The following MAGI2 variants were observed in gnomAD, a reference collection of about 807,000 sequenced individuals.
The protein encoded by MAGI2 is membrane associated guanylate kinase, WW and PDZ domain containing 2, also known as membrane-associated guanylate kinase, WW and PDZ domain-containing protein 2.
Under a neutral mutation model 133.3 loss-of-function variants are expected in MAGI2, and 35 were observed. The ratio of observed to expected loss-of-function variants is 0.26; its 90% CI spans 0.20 to 0.35. The LOEUF is 0.35. Ranked by LOEUF, MAGI2 falls within the 10% of genes least tolerant of loss-of-function variation. The pLI is 1.00. For missense variants in MAGI2, 1,636 were observed against 1,863.4 expected, an observed-to-expected ratio of 0.88 and a Z score of 2.25; for synonymous variants, 729 against 710.6, an observed-to-expected ratio of 1.03 and a Z score of -0.41.
At chr7:78,602,527 G>C (rs1462043251) in intron 3 of MAGI2, among the ~76,000 whole-genome samples, 1 of 151,736 alleles carries the variant, frequency 6.6e-6, no homozygotes, top group Admixed American at 6.6e-5. Context: ...AATTCCTTGA[G>C]AATATTTGAA....
At chr7:78,031,064 G>A (rs955246785) in intron 21 of MAGI2, among the ~76,000 whole-genome samples, 6 of 152,206 alleles carry the variant, frequency 3.9e-5, no homozygotes, top group African/African-American at 9.6e-5. Context: ...TACACTCAAC[G>A]TGAGTGAATT....
chr7:78,168,741 G>C (rs1219620870), intron 14 of MAGI2, among the ~76,000 whole-genome samples: 1 of 152,116 alleles, frequency 6.6e-6, no homozygotes, highest in Admixed American at 6.5e-5. Flanking sequence ...CACTTAACGA[G>C]GGATCAAAAA....
At chr7:78,598,619 G>A (rs1804865394) in intron 3 of MAGI2, among the ~76,000 whole-genome samples, 1 of 152,164 alleles carries the variant, frequency 6.6e-6, no homozygotes, top group Non-Finnish European at 1.5e-5. Context: ...CAGATCAGTT[G>A]GGTGATAGCA....
intron 7 of MAGI2, among the ~76,000 whole-genome samples, chr7:78,361,436 C>T (rs544572825): frequency 6.6e-6 from 1 of 151,222 alleles, no homozygotes; most frequent in African/African-American, 2.4e-5. Flanking sequence ...CCCCCTCCCC[C>T]CCACAAAATG....
intron 20 of MAGI2, among the ~76,000 whole-genome samples, chr7:78,120,592 T>C (rs1255438742): frequency 6.6e-6 from 1 of 152,108 alleles, no homozygotes; most frequent in Non-Finnish European, 1.5e-5. Context: ...ACAAATAGAC[T>C]AGTAGAACAG....
At chr7:78,282,085 A>G (rs184432126) in intron 9 of MAGI2, among the ~76,000 whole-genome samples, 308 of 152,286 alleles carry the variant, frequency 2.0e-3, no homozygotes, top group Non-Finnish European at 2.7e-3. Flanking sequence ...TAATCTTAAG[A>G]GATGATATAT....
rs548151310 is a variant in MAGI2 at position 78,496,946 on chromosome 7, G to A, written c.965+4631C>T. The stretch of plus-strand genomic sequence containing the variant: ...GAATCAAAGAGCCCTGGCTATGTCT[G>A]ACTTTTTGGCAAGTATTTACCTCTA... On this transcript the variant is annotated intron_variant, in intron 5 of 21. Coordinates refer to ENST00000354212, the MANE Select transcript of MAGI2 (RefSeq NM_012301.4). Among the ~76,000 whole-genome samples, 63 of 152,254 alleles carry A rather than the reference G, an allele frequency of 4.1e-4. 1 individual carries two copies. Among genetic ancestry groups the A allele is most frequent in the African/African-American group, 1.3e-3 (52 of 41,560 alleles).
At chr7:78,855,845 G>A (rs1192194199) in intron 2 of MAGI2, among the ~76,000 whole-genome samples, 2 of 152,198 alleles carry the variant, frequency 1.3e-5, no homozygotes, top group South Asian at 2.1e-4. Context: ...CTTCCACAAT[G>A]GTTGAACTAG....
At chr7:78,593,751 G>A (rs1166985630) in intron 3 of MAGI2, among the ~76,000 whole-genome samples, 2 of 152,186 alleles carry the variant, frequency 1.3e-5, no homozygotes, top group African/African-American at 4.8e-5. Context: ...AGTAAGCAGA[G>A]ACATTTTTCA....
intron 3 of MAGI2, among the ~76,000 whole-genome samples, chr7:78,600,257 G>T (rs73701635): frequency 6.6e-6 from 1 of 151,954 alleles, no homozygotes; most frequent in Non-Finnish European, 1.5e-5. Context: ...ATGGAATAAA[G>T]AATCAGAAAG....
At chr7:79,199,524 G>C (rs772243282) in intron 1 of MAGI2, among the ~76,000 whole-genome samples, 1 of 151,982 alleles carries the variant, frequency 6.6e-6, no homozygotes, top group Non-Finnish European at 1.5e-5. Context: ...CAAATGGTTG[G>C]TCTGGGATTC....
chr7:78,229,653 GT>G (rs1206049328), intron 10 of MAGI2, among the ~76,000 whole-genome samples: 3 of 152,218 alleles, frequency 2.0e-5, no homozygotes, highest in African/African-American at 7.2e-5. Context: ...GGGATAGGCT[GT>G]TTTGGCCTTT....
chr7:78,926,194 T>C (rs1314235544), intron 2 of MAGI2, among the ~76,000 whole-genome samples: 1 of 152,088 alleles, frequency 6.6e-6, no homozygotes, highest in Non-Finnish European at 1.5e-5. Flanking sequence ...AGTTTATTTT[T>C]CTTTATGACT....
chr7:79,391,694 T>C (rs1192472884), intron 1 of MAGI2, among the ~76,000 whole-genome samples: 1 of 151,642 alleles, frequency 6.6e-6, no homozygotes, highest in African/African-American at 2.4e-5. Context: ...TTTGTTTGTT[T>C]TTGTTTGTTT....
intron 2 of MAGI2, among the ~76,000 whole-genome samples, chr7:78,721,443 G>T (rs1415254971): frequency 6.6e-6 from 1 of 151,844 alleles, no homozygotes; most frequent in Non-Finnish European, 1.5e-5. Context: ...AGTTACCAAG[G>T]GCATATGTAT....
At chr7:78,314,257 T>A (rs1787178489) in intron 9 of MAGI2, among the ~76,000 whole-genome samples, 1 of 152,212 alleles carries the variant, frequency 6.6e-6, no homozygotes, top group Non-Finnish European at 1.5e-5. Flanking sequence ...GATATACTCA[T>A]AGGACACAAT....
intron 20 of MAGI2, among the ~76,000 whole-genome samples, chr7:78,095,267 A>C (rs1817591564): frequency 6.6e-6 from 1 of 151,940 alleles, no homozygotes; most frequent in Non-Finnish European, 1.5e-5. Context: ...TTTTTGGAAG[A>C]CCTCTCCATA....
intron 1 of MAGI2, among the ~76,000 whole-genome samples, chr7:79,140,552 A>G (rs1226900319): frequency 6.6e-6 from 1 of 152,134 alleles, no homozygotes; most frequent in Non-Finnish European, 1.5e-5. Context: ...TGAAATATGG[A>G]AAGGACGATG....
intron 6 of MAGI2, among the ~76,000 whole-genome samples, chr7:78,459,883 G>A (rs995494710): frequency 3.9e-5 from 6 of 152,206 alleles, no homozygotes; most frequent in African/African-American, 1.4e-4. Flanking sequence ...CCAAATCAGT[G>A]TTTAGAATAG....
Sources: gnomAD v4.1 joint callset for allele counts (sites outside exome capture counted in the v4.1 genomes callset) on GRCh38, gnomAD v4.1.1 for gene constraint, MANE v1.5 for transcripts, NCBI Gene and HGNC (gene_info 2026-07-23, HGNC 2026-07-21) for gene names.